MAX: variants seen among roughly 807,000 people sequenced by gnomAD.
MAX encodes the protein MYC associated transcriptional regulator X, also known as protein max.
MAX carries 3 observed loss-of-function variants against 22.3 expected under a neutral mutation model. The observed-to-expected ratio is 0.13, with a 90% confidence interval of 0.06 to 0.35. The LOEUF is 0.35. Among genes scored for constraint, MAX ranks in the 10% least tolerant of loss-of-function variants. The probability of loss-of-function intolerance (pLI) is 1.00; values close to 1 mark genes in which losing one functional copy is unlikely to be tolerated. For missense variants in MAX, 119 were observed against 209.4 expected, an observed-to-expected ratio of 0.57 and a Z score of 2.66; for synonymous variants, 72 against 77.7, an observed-to-expected ratio of 0.93 and a Z score of 0.39.
intron 3 of MAX, among the ~76,000 whole-genome samples, chr14:65,089,368 A>G (rs968131685): frequency 6.6e-6 from 1 of 152,096 alleles, no homozygotes; most frequent in Non-Finnish European, 1.5e-5. Flanking sequence ...TCTCTCTCCA[A>G]CACAGCTCTC....
At position 65,012,183 on chromosome 14, in the gene MAX, T is replaced by C; in HGVS notation, c.172-5899A>G. 2 of 1,044,988 alleles carry C rather than the reference T, an allele frequency of 1.9e-6. No individual in the cohort carries two copies. Among genetic ancestry groups the C allele is most frequent in the Non-Finnish European group, 2.8e-6 (2 of 709,386 alleles). 64.7% of individuals were successfully genotyped at this position (1,044,988 alleles called of 1,614,324 possible). A position where few individuals can be genotyped will look rare whatever the true frequency, so the allele number is the denominator to read the frequency against. On this transcript the variant is annotated intron_variant, in intron 3 of 3. Coordinates refer to the MAX transcript ENST00000341653. This position sits in a 1 kb window ranked among gnomAD's most constrained non-coding sequence, Gnocchi z 5.0. ...TGCTCTTTGGAACCAGAGAAGTTGC[T>C]GGTTATCCAGTCAGTGATTGCAGGG... is the stretch of plus-strand genomic sequence containing the variant.
intron 3 of MAX, chr14:65,006,436 G>A (rs753008787): frequency 1.4e-4 from 175 of 1,292,334 alleles, no homozygotes; most frequent in Non-Finnish European, 1.6e-4. Context: ...AGCAAATGAC[G>A]CCATTTATTT....
Position 65,076,390 on chromosome 14 carries a change from T to C in MAX, c.*86A>G. The C allele has an allele frequency of 1.2e-6, 2 of 1,605,776 alleles. No homozygotes were observed. The highest frequency in any genetic ancestry group is 1.1e-5 in the South Asian group (1 of 89,832). On this transcript the variant is annotated 3_prime_UTR_variant, in exon 5 of 5. Coordinates refer to ENST00000358664, the MANE Select transcript of MAX (RefSeq NM_002382.5). The surrounding 1 kb of genome is among the most constrained non-coding windows in gnomAD (Gnocchi z 6.6). Reference sequence around the variant, plus strand: ...AGAGAAAAATAAAGAGTCTCTTAAATGGTTCTGAGGGCTCTACCAACGAAC... The same window carrying C: ...AGAGAAAAATAAAGAGTCTCTTAAACGGTTCTGAGGGCTCTACCAACGAAC...
intron 3 of MAX, among the ~76,000 whole-genome samples, chr14:65,068,913 C>G (rs1368578998): frequency 6.6e-6 from 1 of 152,104 alleles, no homozygotes; most frequent in Non-Finnish European, 1.5e-5. Flanking sequence ...GCTGATGGGA[C>G]AAAGGAGGCA....
intron 3 of MAX, among the ~76,000 whole-genome samples, chr14:65,038,862 C>T (rs1302935709): frequency 6.6e-6 from 1 of 151,946 alleles, no homozygotes; most frequent in Non-Finnish European, 1.5e-5. Flanking sequence ...TTTTAGTTTT[C>T]CTCCCTGACT....
At chr14:65,046,733 T>G (rs1160013231) in intron 3 of MAX, among the ~76,000 whole-genome samples, 1 of 152,102 alleles carries the variant, frequency 6.6e-6, no homozygotes, top group Non-Finnish European at 1.5e-5. Flanking sequence ...TGTAGAAAGA[T>G]AGTCACAATA....
In MAX at chr14:65,088,681, A is replaced by G. The variant is rs947273823; in HGVS notation, c.171+5027T>C. On this transcript the variant is annotated intron_variant, in intron 3 of 4. Transcript: ENST00000358664. This position sits in a 1 kb window ranked among gnomAD's most constrained non-coding sequence, Gnocchi z 5.2. Reference sequence around the variant, plus strand: ...TCCTCCCCTCAGTTAATAAATATTCACTATGCTCCCTACTATGTGCAGGCA... The same window carrying G: ...TCCTCCCCTCAGTTAATAAATATTCGCTATGCTCCCTACTATGTGCAGGCA... Among the ~76,000 whole-genome samples, 1 of 152,232 alleles carries G rather than the reference A, an allele frequency of 6.6e-6. No homozygotes were observed. Among genetic ancestry groups the G allele is most frequent in the Non-Finnish European group, 1.5e-5 (1 of 68,042 alleles).
rs201052112 is a variant in MAX, at chr14:65,006,289, G to T, written c.172-5C>A. 5.8e-4 allele frequency: 937 copies of T among 1,612,710 alleles called. 2 individuals are homozygous for T. The highest frequency in any genetic ancestry group is 7.1e-4 in the Non-Finnish European group (834 of 1,179,708). On this transcript the variant is annotated splice_region_variant and splice_polypyrimidine_tract_variant and intron_variant, in intron 3 of 3. Transcript: ENST00000341653. ...GGTTAACTTCATCTTTGTTCCCTGG[G>T]GAAGGAAAGGAGGAAAAATATCAGC...
downstream of MAX, among the ~76,000 whole-genome samples, chr14:65,071,028 A>C (rs1284480234): frequency 6.6e-6 from 1 of 152,240 alleles, no homozygotes; most frequent in African/African-American, 2.4e-5. This position sits in a 1 kb window ranked among gnomAD's most constrained non-coding sequence, Gnocchi z 4.2. Flanking sequence ...GTTCTTTCAG[A>C]AAACATGCAA....
At position 65,054,864 on chromosome 14, in the gene MAX, AC is replaced by A. The variant is rs1428848218; in HGVS notation, c.171+38843del. ...GAGGATGTGACCACAGAGGAGACGC[AC>A]CTCTGGGCAAGCTCAGGGTTCCAGA... On this transcript the variant is annotated intron_variant, in intron 3 of 3. Transcript: ENST00000341653. This position sits in a 1 kb window ranked among gnomAD's most constrained non-coding sequence, Gnocchi z 4.4. Among the ~76,000 whole-genome samples the A allele has an allele frequency of 1.1e-4, 16 of 152,172 alleles. No individual in the cohort carries two copies. The highest frequency in any genetic ancestry group is 2.2e-4 in the Non-Finnish European group (15 of 68,024).
At chr14:65,081,117 C>T (rs1047328734) in intron 3 of MAX, among the ~76,000 whole-genome samples, 5 of 152,158 alleles carry the variant, frequency 3.3e-5, no homozygotes, top group Admixed American at 1.3e-4. Flanking sequence ...CAGAACGAGG[C>T]CTTCAGAATG....
intron 3 of MAX, among the ~76,000 whole-genome samples, chr14:65,037,741 A>AT (rs372196330): frequency 0.25 from 32,477 of 132,116 alleles, 4,706 homozygotes; most frequent in Non-Finnish European, 0.31. Flanking sequence ...TTATTTATTT[A>AT]TTATTTATTT....
Position 65,093,629 on chromosome 14 carries a change from T to C in MAX, c.171+79A>G, listed in dbSNP as rs546720337. 31 of 813,498 alleles carry C rather than the reference T, an allele frequency of 3.8e-5. No homozygotes were observed. The highest frequency in any genetic ancestry group is 2.4e-4 in the South Asian group (18 of 74,138). 50.4% of individuals were successfully genotyped at this position (813,498 alleles called of 1,614,324 possible). On this transcript the variant is annotated intron_variant, in intron 3 of 4. Coordinates refer to ENST00000358664, the MANE Select transcript of MAX (RefSeq NM_002382.5). The surrounding 1 kb of genome is among the most constrained non-coding windows in gnomAD (Gnocchi z 4.4). ...ATCTCTGACTACATTTCCTTCCCAATAGGTGAGTGCTCTGCTAAGCTCTGC... is the reference window on the plus strand; with the variant it reads ...ATCTCTGACTACATTTCCTTCCCAACAGGTGAGTGCTCTGCTAAGCTCTGC...
intron 3 of MAX, among the ~76,000 whole-genome samples, chr14:65,034,048 C>T (rs1242507101): frequency 1.3e-5 from 2 of 152,074 alleles, no homozygotes; most frequent in Non-Finnish European, 2.9e-5. Context: ...TTTCATTTTC[C>T]TGGAGTTAAT....
chr14:65,010,826 G>C (rs2061672259), intron 3 of MAX, among the ~76,000 whole-genome samples: 1 of 152,252 alleles, frequency 6.6e-6, no homozygotes, highest in Non-Finnish European at 1.5e-5. Context: ...ATTGAGGTCA[G>C]ATTCTCCCAC....
Position 65,011,520 on chromosome 14 carries a change from T to C in MAX, c.172-5236A>G, listed in dbSNP as rs1046773414. On this transcript the variant is annotated intron_variant, in intron 3 of 3. Transcript: ENST00000341653. The surrounding 1 kb of genome is among the most constrained non-coding windows in gnomAD (Gnocchi z 4.0). Reference sequence around the variant, plus strand: ...TTTGATAAACAATTGTGGAATTGACTACCTAGCAAAGGGAATGGTTCTCTT... The same window carrying C: ...TTTGATAAACAATTGTGGAATTGACCACCTAGCAAAGGGAATGGTTCTCTT... Among the ~76,000 whole-genome samples, 1 of 151,724 alleles carries C rather than the reference T, an allele frequency of 6.6e-6. No homozygotes were observed. The highest frequency in any genetic ancestry group is 1.5e-5 in the Non-Finnish European group (1 of 67,908).
upstream of MAX, chr14:65,102,534 G>A (rs1054285142): frequency 1.1e-5 from 16 of 1,450,486 alleles, no homozygotes; most frequent in Non-Finnish European, 1.5e-5. Context: ...CCGGATCAAC[G>A]GCGGCACGCA....
intron 3 of MAX, among the ~76,000 whole-genome samples, chr14:65,018,538 G>A (rs910240606): frequency 1.1e-4 from 16 of 152,126 alleles, no homozygotes; most frequent in Non-Finnish European, 1.5e-5. Context: ...GGCTGGGCAC[G>A]GTGTCTCACA....
chr14:65,075,936 G>A lies in MAX; in HGVS notation c.*540C>T. ...CTAAGGATCTGGTCTTTCAATAGGA[G>A]CGATACATAGCTTTTTAGAAAAAGG... On this transcript the variant is annotated 3_prime_UTR_variant, in exon 5 of 5. Coordinates refer to ENST00000358664, the MANE Select transcript of MAX (RefSeq NM_002382.5). This position sits in a 1 kb window ranked among gnomAD's most constrained non-coding sequence, Gnocchi z 4.1. The A allele has an allele frequency of 9.3e-7, 1 of 1,070,972 alleles. No homozygotes were observed. Among genetic ancestry groups the A allele is most frequent in the Non-Finnish European group, 1.1e-6 (1 of 882,572 alleles). 66.3% of individuals were successfully genotyped at this position (1,070,972 alleles called of 1,614,324 possible). A position where few individuals can be genotyped will look rare whatever the true frequency, so the allele number is the denominator to read the frequency against.
Sources: gnomAD v4.1 joint callset for allele counts (sites outside exome capture counted in the v4.1 genomes callset) on GRCh38, gnomAD v4.1.1 for gene constraint, Gnocchi (gnomAD v3.1) non-coding constraint, MANE v1.5 for transcripts, NCBI Gene and HGNC (gene_info 2026-07-23, HGNC 2026-07-21) for gene names.